ANKFN1: variants seen among roughly 807,000 people sequenced by gnomAD.
The protein encoded by ANKFN1 is ankyrin repeat and fibronectin type III domain containing 1, also known as ankyrin repeat and fibronectin type-III domain-containing protein 1.
A neutral mutation model predicts 108.7 loss-of-function variants in ANKFN1; 74 were observed. That is an observed-to-expected ratio of 0.68 (90% CI 0.56 to 0.83). The LOEUF is 0.83. Ranked by LOEUF, ANKFN1 falls within the 40% of genes least tolerant of loss-of-function variation. ANKFN1 has a pLI of 0.00. For synonymous variants in ANKFN1, 547 were observed against 516.2 expected, an observed-to-expected ratio of 1.06 and a Z score of -0.81; for missense variants, 1,505 against 1,382.3, an observed-to-expected ratio of 1.09 and a Z score of -1.41.
chr17:56,290,346 C>T (rs1297450631), intron 3 of ANKFN1, among the ~76,000 whole-genome samples: 1 of 152,158 alleles, frequency 6.6e-6, no homozygotes, highest in African/African-American at 2.4e-5. Flanking sequence ...TTTTCTGTGA[C>T]TCATTTTCTC....
At chr17:56,183,447 T>C (rs1280812391) in intron 1 of ANKFN1, among the ~76,000 whole-genome samples, 1 of 152,206 alleles carries the variant, frequency 6.6e-6, no homozygotes, top group African/African-American at 2.4e-5. Flanking sequence ...TGGGAGGTGA[T>C]TGGATCATGC....
At chr17:56,126,317 C>A (rs1405492815) in intron 4 of ANKFN1, among the ~76,000 whole-genome samples, 3 of 152,080 alleles carry the variant, frequency 2.0e-5, no homozygotes, top group African/African-American at 7.2e-5. Flanking sequence ...TTGAAAGATT[C>A]CTTGACTGGC....
At chr17:56,084,717 CTTGGAT>C (rs112073798) in intron 4 of ANKFN1, among the ~76,000 whole-genome samples, 22,956 of 150,928 alleles carry the variant, frequency 0.15, 3,086 homozygotes, top group African/African-American at 0.32. Context: ...TTGTTTTCTC[CTTGGAT>C]TTTCTGGAAC....
intron 4 of ANKFN1, among the ~76,000 whole-genome samples, chr17:56,086,360 A>G (rs1036978463): frequency 1.3e-5 from 2 of 151,376 alleles, no homozygotes; most frequent in African/African-American, 4.9e-5. Flanking sequence ...AGCCAAGATC[A>G]CACCATTGCA....
At chr17:56,379,561 A>G (rs2047038308) in intron 8 of ANKFN1, among the ~76,000 whole-genome samples, 1 of 152,192 alleles carries the variant, frequency 6.6e-6, no homozygotes, top group African/African-American at 2.4e-5. Flanking sequence ...TAATACAAAT[A>G]TTATGTTGTT....
intron 3 of ANKFN1, among the ~76,000 whole-genome samples, chr17:56,259,096 A>T (rs2043436414): frequency 6.6e-6 from 1 of 152,146 alleles, no homozygotes; most frequent in South Asian, 2.1e-4. Context: ...GCTCTGTCGT[A>T]TAGGTACTAT....
At chr17:56,050,681 T>C (rs1478463534) in intron 4 of ANKFN1, among the ~76,000 whole-genome samples, 8 of 151,730 alleles carry the variant, frequency 5.3e-5, no homozygotes, top group African/African-American at 1.9e-4. Flanking sequence ...TTTCTCAGGT[T>C]TGTCAAAGAT....
chr17:56,382,194 G>A (rs2047126227), intron 8 of ANKFN1, among the ~76,000 whole-genome samples: 3 of 152,106 alleles, frequency 2.0e-5, no homozygotes, highest in Admixed American at 2.0e-4. Flanking sequence ...TTAAAGAAAA[G>A]AATTTTCAAG....
chr17:56,322,567 C>A (rs187077195), intron 3 of ANKFN1, among the ~76,000 whole-genome samples: 2 of 152,170 alleles, frequency 1.3e-5, no homozygotes, highest in Middle Eastern at 3.2e-3. Flanking sequence ...TCCATCAGCT[C>A]TTCCCTGCAT....
At chr17:56,463,601 G>A (rs2049982518) in intron 14 of ANKFN1, among the ~76,000 whole-genome samples, 1 of 152,132 alleles carries the variant, frequency 6.6e-6, no homozygotes, top group Non-Finnish European at 1.5e-5. Flanking sequence ...GGCCCAAAGA[G>A]GGAGAAGTGT....
At chr17:56,464,315 C>G (rs1488657557) in intron 14 of ANKFN1, among the ~76,000 whole-genome samples, 1 of 152,168 alleles carries the variant, frequency 6.6e-6, no homozygotes, top group Non-Finnish European at 1.5e-5. Flanking sequence ...GTCTACCCAT[C>G]AGCTTTGGTC....
intron 14 of ANKFN1, among the ~76,000 whole-genome samples, chr17:56,459,653 A>G (rs2049836613): frequency 1.3e-5 from 2 of 152,192 alleles, no homozygotes; most frequent in South Asian, 4.1e-4. Context: ...CCTGGATCAC[A>G]GACTGAAAAA....
chr17:56,258,728 G>C (rs887901147), intron 3 of ANKFN1, among the ~76,000 whole-genome samples: 7 of 152,110 alleles, frequency 4.6e-5, no homozygotes, highest in African/African-American at 1.7e-4. Context: ...GGCTAACACG[G>C]TGAAACCCCG....
chr17:56,282,796 T>A (rs569941187), intron 3 of ANKFN1, among the ~76,000 whole-genome samples: 39 of 152,264 alleles, frequency 2.6e-4, no homozygotes, highest in Non-Finnish European at 4.7e-4. Context: ...TTTGACAAAG[T>A]GTTGGCACAT....
intron 1 of ANKFN1, among the ~76,000 whole-genome samples, chr17:56,172,166 GT>G (rs1910747568): frequency 6.6e-6 from 1 of 152,066 alleles, no homozygotes; most frequent in Non-Finnish European, 1.5e-5. Context: ...TAATCTCAAC[GT>G]GATAAATAAC....
At chr17:56,326,169 G>A in intron 3 of ANKFN1, 52 bp from the exon 4 acceptor site, 1 of 1,549,478 alleles carries the variant, frequency 6.5e-7, no homozygotes, top group Middle Eastern at 1.7e-4. Flanking sequence ...CATGATCATG[G>A]ACTTCGGCTC....
chr17:56,103,692 G>A (rs940629924), intron 4 of ANKFN1, among the ~76,000 whole-genome samples: 2 of 152,234 alleles, frequency 1.3e-5, no homozygotes, highest in Non-Finnish European at 2.9e-5. Context: ...ATAAGGAAAT[G>A]AAATAAACAG....
intron 3 of ANKFN1, among the ~76,000 whole-genome samples, chr17:56,286,765 G>A (rs1332069742): frequency 5.9e-5 from 9 of 152,086 alleles, no homozygotes; most frequent in East Asian, 3.9e-4. Flanking sequence ...AAGAACATTC[G>A]ACTACTACCT....
chr17:56,488,352 G>A (rs1281647659), intron 18 of ANKFN1, among the ~76,000 whole-genome samples: 1 of 152,150 alleles, frequency 6.6e-6, no homozygotes, highest in Non-Finnish European at 1.5e-5. Context: ...GATTGGATGT[G>A]GTTGAAGAGC....
Sources: gnomAD v4.1 joint callset for allele counts (sites outside exome capture counted in the v4.1 genomes callset) on GRCh38, gnomAD v4.1.1 for gene constraint, MANE v1.5 for transcripts, NCBI Gene and HGNC (gene_info 2026-07-23, HGNC 2026-07-21) for gene names.